CDH13: variants seen among roughly 807,000 people sequenced by gnomAD.
CDH13 encodes the protein cadherin 13.
Under a neutral mutation model 63.8 loss-of-function variants are expected in CDH13, and 24 were observed. That is an observed-to-expected ratio of 0.38 (90% CI 0.27 to 0.53). The LOEUF is 0.53. Ranked by LOEUF, CDH13 falls within the 20% of genes least tolerant of loss-of-function variation. The probability of loss-of-function intolerance (pLI) is 0.85; values close to 1 mark genes in which losing one functional copy is unlikely to be tolerated. For synonymous variants in CDH13, 503 were observed against 355.3 expected, an observed-to-expected ratio of 1.42 and a Z score of -4.67; for missense variants, 1,049 against 903.1, an observed-to-expected ratio of 1.16 and a Z score of -2.07.
chr16:83,581,820 A>G (rs1183527173), intron 7 of CDH13, among the ~76,000 whole-genome samples: 1 of 152,164 alleles, frequency 6.6e-6, no homozygotes, highest in Non-Finnish European at 1.5e-5. Flanking sequence ...CCCTGTCTCA[A>G]TAAATAAATA....
At chr16:83,734,175 A>G (rs1243920004) in intron 10 of CDH13, among the ~76,000 whole-genome samples, 1 of 152,212 alleles carries the variant, frequency 6.6e-6, no homozygotes, top group Non-Finnish European at 1.5e-5. Flanking sequence ...ATCAATTTAA[A>G]GTGAAGACCA....
chr16:82,720,153 G>A (rs2032673268), intron 1 of CDH13, among the ~76,000 whole-genome samples: 1 of 152,216 alleles, frequency 6.6e-6, no homozygotes. Context: ...AATTTTTGGT[G>A]AATCAGTGAG....
At chr16:83,695,250 CT>C (rs1204452191) in intron 10 of CDH13, among the ~76,000 whole-genome samples, 1 of 152,194 alleles carries the variant, frequency 6.6e-6, no homozygotes, top group East Asian at 1.9e-4. Context: ...AAAATACCAG[CT>C]TTTTAAGTAA....
intron 2 of CDH13, among the ~76,000 whole-genome samples, chr16:83,016,046 C>T (rs566011231): frequency 1.3e-5 from 2 of 152,020 alleles, no homozygotes; most frequent in African/African-American, 2.4e-5. Flanking sequence ...ATACCTTTAA[C>T]AAGTGGCAAG....
intron 2 of CDH13, among the ~76,000 whole-genome samples, chr16:83,029,904 G>T (rs923743839): frequency 3.9e-5 from 6 of 152,182 alleles, no homozygotes; most frequent in Admixed American, 2.0e-4. Flanking sequence ...GTTCAGCAGA[G>T]ACCAAAAAGC....
At chr16:82,705,167 G>A in intron 1 of CDH13, 1 of 455,974 alleles carries the variant, frequency 2.2e-6, no homozygotes, top group Non-Finnish European at 4.4e-6. Context: ...AAGGATCCAG[G>A]TAAACAGATT....
At chr16:82,922,158 T>C (rs2042176176) in intron 2 of CDH13, among the ~76,000 whole-genome samples, 2 of 152,212 alleles carry the variant, frequency 1.3e-5, no homozygotes, top group Admixed American at 1.3e-4. Flanking sequence ...CTCTCTTTTA[T>C]CTTGGTTAGT....
At chr16:83,216,713 T>C (rs895939542) in intron 4 of CDH13, among the ~76,000 whole-genome samples, 1 of 147,632 alleles carries the variant, frequency 6.8e-6, no homozygotes, top group African/African-American at 2.5e-5. Flanking sequence ...ATAATATTGA[T>C]GCATATATAT....
chr16:82,965,441 C>T (rs141058446), intron 2 of CDH13, among the ~76,000 whole-genome samples: 479 of 152,302 alleles, frequency 3.1e-3, no homozygotes, highest in African/African-American at 0.01. Context: ...TATCAATGTA[C>T]GTTTCTTCTA....
At chr16:82,708,497 C>G (rs2031665587) in intron 1 of CDH13, among the ~76,000 whole-genome samples, 1 of 152,224 alleles carries the variant, frequency 6.6e-6, no homozygotes, top group Non-Finnish European at 1.5e-5. Context: ...GAAGACTCCA[C>G]TGTCTCTGTC....
chr16:83,761,865 G>C (rs754434859), intron 11 of CDH13, among the ~76,000 whole-genome samples: 1 of 152,086 alleles, frequency 6.6e-6, no homozygotes, highest in Non-Finnish European at 1.5e-5. Context: ...TCAGTAGTTC[G>C]ATACCAGCCA....
intron 7 of CDH13, among the ~76,000 whole-genome samples, chr16:83,596,754 T>C (rs958870232): frequency 4.6e-5 from 7 of 152,090 alleles, no homozygotes; most frequent in Non-Finnish European, 7.4e-5. Context: ...CATGTGGCAT[T>C]TTCTCTAATT....
chr16:83,090,588 A>AAT (rs1555582908), intron 3 of CDH13, among the ~76,000 whole-genome samples: 1 of 151,216 alleles, frequency 6.6e-6, no homozygotes, highest in Non-Finnish European at 1.5e-5. Flanking sequence ...AAAAAAAAAA[A>AAT]AATAAGTGCT....
chr16:82,941,890 A>G (rs1904292053), intron 2 of CDH13, among the ~76,000 whole-genome samples: 1 of 152,154 alleles, frequency 6.6e-6, no homozygotes, highest in African/African-American at 2.4e-5. Context: ...GTTCTCTTCC[A>G]TTTAAAAGAA....
In CDH13 at chr16:83,357,841, T is replaced by A. The variant is rs55752287; in HGVS notation, c.781+12835T>A. ...GGCATTGGTTGGTACCTTTTTATAG[T>A]GAGCCACAGGAACCCATTCCTCTAA... On this transcript the variant is annotated intron_variant, in intron 6 of 13. Transcript: ENST00000567109. Among the ~76,000 whole-genome samples the A allele has an allele frequency of 8.9e-3, 1,361 of 152,282 alleles. 19 individuals are homozygous for A. Among genetic ancestry groups the A allele is most frequent in the African/African-American group, 0.032 (1,312 of 41,570 alleles).
chr16:83,264,578 G>GTATA (rs370463593), intron 5 of CDH13, among the ~76,000 whole-genome samples: 2 of 150,540 alleles, frequency 1.3e-5, no homozygotes, highest in African/African-American at 2.4e-5. Context: ...ATACATATGT[G>GTATA]TATATATATA....
intron 7 of CDH13, among the ~76,000 whole-genome samples, chr16:83,524,700 C>A (rs945634257): frequency 2.0e-5 from 3 of 152,038 alleles, no homozygotes; most frequent in African/African-American, 7.2e-5. Context: ...GATCCGCCCG[C>A]CTCGGCCTTC....
intron 1 of CDH13, among the ~76,000 whole-genome samples, chr16:82,815,641 C>T (rs563723109): frequency 1.2e-4 from 19 of 152,258 alleles, no homozygotes; most frequent in African/African-American, 2.6e-4. Context: ...GATGCTGCTT[C>T]GTTTGTAGTT....
At chr16:82,887,068 T>A (rs2040913124) in intron 2 of CDH13, among the ~76,000 whole-genome samples, 1 of 152,194 alleles carries the variant, frequency 6.6e-6, no homozygotes, top group Admixed American at 6.5e-5. Context: ...CCTAGAAGCC[T>A]CCTTTTAAAT....
Sources: allele counts gnomAD v4.1 joint callset (sites outside exome capture counted in the v4.1 genomes callset), GRCh38; gene constraint gnomAD v4.1.1; transcripts MANE v1.5; gene names NCBI Gene and HGNC (gene_info 2026-07-23, HGNC 2026-07-21).